The following SLC49A3 variants were observed in gnomAD, a reference collection of about 807,000 sequenced individuals.
The protein encoded by SLC49A3 is solute carrier family 49 member A3.
SLC49A3 carries 50 observed loss-of-function variants against 43.8 expected under a neutral mutation model. That is an observed-to-expected ratio of 1.14 (90% CI 0.91 to 1.45). SLC49A3 has a LOEUF of 1.45. SLC49A3 is among the 40% of genes most tolerant of loss of function. The pLI, the probability that SLC49A3 is intolerant of heterozygous loss-of-function variation, is 0.00. For synonymous variants in SLC49A3, 413 were observed against 352.0 expected (o/e 1.17, Z -1.94); for missense variants, 906 against 774.1 (o/e 1.17, Z -2.02).
intron 1 of SLC49A3, 64 bp downstream of exon 1, chr4:688,929 C>T: frequency 6.5e-6 from 10 of 1,535,284 alleles, no homozygotes; most frequent in Non-Finnish European, 8.7e-6. Flanking sequence ...CACAGGAAAA[C>T]AAAACCCGGC....
chr4:683,643 C>T lies in SLC49A3; in HGVS notation c.959G>A (p.Cys320Tyr), dbSNP rs2109406339. 1.2e-6 allele frequency: 2 copies of T among 1,612,546 alleles called. No individual in the cohort carries two copies. The highest frequency in any genetic ancestry group is 2.2e-5 in the East Asian group (1 of 44,866). Residue 320 changes from cysteine (C) to tyrosine (Y), a missense_variant, in exon 7 of 10, where the codon TGC (cysteine) becomes TAC (tyrosine). By Grantham distance (194) the Cys-to-Tyr change is radical. Transcript: ENST00000322224. ...GGGCACGCAGGCCAGAGAGAACAGGCACAGGCCAATCTTGGTGGCCTCAGT... is the reference window on the plus strand; with the variant it reads ...GGGCACGCAGGCCAGAGAGAACAGGTACAGGCCAATCTTGGTGGCCTCAGT... ...HFTEATKIGL[C>Y]LFSLACVPFA...
Position 684,526 on chromosome 4 carries a change from G to A in SLC49A3, c.797C>T (p.Ser266Leu). The A allele has an allele frequency of 6.2e-7, 1 of 1,613,270 alleles. No homozygotes were observed. The change falls in exon 6 of 10, where the codon TCA (serine) becomes TTA (leucine). Residue 266 changes from serine (S) to leucine (L), a missense_variant. Physicochemically the swap from Ser to Leu is moderately radical, Grantham distance 145 (BLOSUM62 -2). Transcript: ENST00000322224. The part of the protein sequence containing the change: ...GGMIGISASF[S>L]ALLEQILCAS... The stretch of plus-strand genomic sequence containing the variant: ...ACAGAGGATCTGCTCCAGGAGGGCT[G>A]AGAAGCTGGCAGAGATCCCGATCAT...
chr4:686,771 C>G (rs1741128336), intron 1 of SLC49A3, 81 bp from the exon 2 acceptor site: 2 of 1,525,578 alleles, frequency 1.3e-6, no homozygotes. Context: ...CCGAGGGGGT[C>G]AGAGTGCCAG....
At position 683,737 on chromosome 4, in the gene SLC49A3, G is replaced by T. The variant is rs762083043; in HGVS notation, c.865C>A (p.Leu289Ile). 3.2e-6 allele frequency: 5 copies of T among 1,575,640 alleles called. No individual in the cohort carries two copies. The highest frequency in any genetic ancestry group is 1.7e-4 in the Middle Eastern group (1 of 5,990). ...SSGFSGLCGA[L>I]FITFGILGAL... ...CCCAGGATCCCAAACGTGATGAAGAGAGCGCCACAGAGGCCGGAAAACCCC... is the reference window on the plus strand; with the variant it reads ...CCCAGGATCCCAAACGTGATGAAGATAGCGCCACAGAGGCCGGAAAACCCC... Residue 289 changes from leucine to isoleucine, a missense_variant, in exon 7 of 10, where the codon CTC (leucine) becomes ATC (isoleucine). Physicochemically the swap from Leu to Ile is conservative, Grantham distance 5. Transcript: ENST00000322224.
At position 683,379 on chromosome 4, in the gene SLC49A3, G is replaced by A. The variant is rs755904471; in HGVS notation, c.994-12C>T. ...TGCAGCTGGGACACCTGGGAGCAGC[G>A]GAACGGCAGGCAGACAGGTGGAGGG... On this transcript the variant is annotated splice_polypyrimidine_tract_variant and intron_variant, in intron 7 of 9. Coordinates refer to ENST00000322224, the MANE Select transcript of SLC49A3 (RefSeq NM_032219.4). The A allele has an allele frequency of 2.3e-5, 37 of 1,604,218 alleles. No homozygotes were observed. The highest frequency in any genetic ancestry group is 4.5e-5 in the East Asian group (2 of 44,788).
At chr4:680,911 C>G, downstream of SLC49A3, 1 of 720,696 alleles carries the variant, frequency 1.4e-6, no homozygotes, top group Non-Finnish European at 2.3e-6. Context: ...AGCGGCTCCC[C>G]CAGAAGTGAT....
At chr4:678,036 A>G (rs758736134), downstream of SLC49A3, 1 of 1,613,346 alleles carries the variant, frequency 6.2e-7, no homozygotes, top group Non-Finnish European at 8.5e-7. Flanking sequence ...CATGGTGAGC[A>G]GGCCGCCGTG....
intron 7 of SLC49A3, 38 bp from the exon 8 acceptor site, chr4:683,405 G>C (rs371483219): frequency 3.1e-6 from 5 of 1,593,106 alleles, no homozygotes; most frequent in Non-Finnish European, 4.3e-6. Context: ...AGGTGGAGGG[G>C]GTGGCAGTCA....
At position 682,855 on chromosome 4, in the gene SLC49A3, G is replaced by T. The variant is rs764664675; in HGVS notation, c.1187C>A (p.Thr396Lys). 6.2e-7 allele frequency: 1 copy of T among 1,603,064 alleles called. No homozygotes were observed. Among genetic ancestry groups the T allele is most frequent in the Admixed American group, 1.7e-5 (1 of 59,646 alleles). Reference protein sequence around the residue: ...AEGILIMLAMTALTVRRSEPS... With the variant: ...AEGILIMLAMKALTVRRSEPS... The stretch of plus-strand genomic sequence containing the variant: ...CTCCGAGCGTCGCACAGTCAGTGCC[G>T]TCATTGCCAGCATGATGAGTATTCC... The change falls in exon 9 of 10, where the codon ACG (threonine) becomes AAG (lysine). Residue 396 changes from threonine to lysine, a missense_variant. By Grantham distance (78) the Thr-to-Lys change is moderately conservative. Coordinates refer to ENST00000322224, the MANE Select transcript of SLC49A3 (RefSeq NM_032219.4).
In SLC49A3 at chr4:683,354, T is replaced by G. The variant is rs759616599; in HGVS notation, c.1007A>C (p.Gln336Pro). The G allele has an allele frequency of 6.2e-7, 1 of 1,609,738 alleles. No homozygotes were observed. Among genetic ancestry groups the G allele is most frequent in the Non-Finnish European group, 8.5e-7 (1 of 1,178,586 alleles). The change falls in exon 8 of 10, where the codon CAG becomes CCG. Residue 336 changes from glutamine to proline, a missense_variant. Gln to Pro is a moderately conservative substitution (Grantham distance 76, BLOSUM62 -1). Coordinates refer to ENST00000322224, the MANE Select transcript of SLC49A3 (RefSeq NM_032219.4). ...CVPFALVSQL[Q>P]GQTLALAATC... is the part of the protein sequence containing the mutation. ...GGCAGCCAGGGCAAGGGTCTGTCCC[T>G]GCAGCTGGGACACCTGGGAGCAGCG...
chr4:678,370 A>C (rs1010829783), downstream of SLC49A3: 16 of 1,412,494 alleles, frequency 1.1e-5, no homozygotes, highest in East Asian at 2.6e-5. Flanking sequence ...TCAGAGGCCA[A>C]GCTGGCTCCT....
downstream of SLC49A3, chr4:679,075 C>T (rs375462955): frequency 7.8e-5 from 123 of 1,572,140 alleles, no homozygotes; most frequent in Non-Finnish European, 9.5e-5. Flanking sequence ...TTGGAGGAGG[C>T]GAACACAGAG....
chr4:680,678 C>A, downstream of SLC49A3: 1 of 1,320,006 alleles, frequency 7.6e-7, no homozygotes, highest in Non-Finnish European at 1.1e-6. Flanking sequence ...CACCAGATGC[C>A]ACGCCCACCT....
intron 9 of SLC49A3, 39 bp from the exon 10 acceptor site, chr4:682,415 CA>C: frequency 7.6e-7 from 1 of 1,317,948 alleles, no homozygotes; most frequent in East Asian, 2.8e-5. Flanking sequence ...CAGCCAAGCC[CA>C]GGGGCCACAG....
Position 682,260 on chromosome 4 carries a change from T to C in SLC49A3, c.1378A>G (p.Asn460Asp). 7.3e-7 allele frequency: 1 copy of C among 1,378,588 alleles called. No individual in the cohort carries two copies. Among genetic ancestry groups the C allele is most frequent in the Non-Finnish European group, 9.5e-7 (1 of 1,055,138 alleles). 85.4% of individuals were successfully genotyped at this position (1,378,588 alleles called of 1,614,324 possible). A position where few individuals can be genotyped will look rare whatever the true frequency, so the allele number is the denominator to read the frequency against. ...CCTGAGTCTGCGCCGCCCACGGCGT[T>C]ACGGGTGGAGGGGGGCTCCCCAGAC... The part of the protein sequence containing the change: ...AESGEPPSTR[N>D]AVGGADSGPG... Residue 460 changes from asparagine to aspartate, a missense_variant, in exon 10 of 10, where the codon AAC becomes GAC. Physicochemically the swap from Asn to Asp is conservative, Grantham distance 23. Coordinates refer to ENST00000322224, the MANE Select transcript of SLC49A3 (RefSeq NM_032219.4).
chr4:682,560 A>T (rs1739984475), intron 9 of SLC49A3, among the ~76,000 whole-genome samples, 184 bp from the exon 10 acceptor site: 1 of 152,192 alleles, frequency 6.6e-6, no homozygotes, highest in African/African-American at 2.4e-5. Context: ...GAGAGAGGTC[A>T]CTAGCATGGG....
In SLC49A3 at chr4:682,218, C is replaced by A. The variant is rs575427264; in HGVS notation, c.1420G>T (p.Gly474Trp). ...AGGACCCCAGCCCTTCCTGCTCCCCCTCGGTCCACACCCGGCCCTGAGTCT... is the reference window on the plus strand; with the variant it reads ...AGGACCCCAGCCCTTCCTGCTCCCCATCGGTCCACACCCGGCCCTGAGTCT... The part of the protein sequence containing the change: ...GADSGPGVDR[G>W]GAGRAGVLGP... The change falls in exon 10 of 10, where the codon GGG becomes TGG. Residue 474 changes from glycine (G) to tryptophan (W), a missense_variant. Gly to Trp is a radical substitution (Grantham distance 184). Coordinates refer to ENST00000322224, the MANE Select transcript of SLC49A3 (RefSeq NM_032219.4). 2.9e-6 allele frequency: 4 copies of A among 1,382,972 alleles called. No individual in the cohort carries two copies. The highest frequency in any genetic ancestry group is 1.7e-5 in the South Asian group (1 of 57,736). 85.7% of individuals were successfully genotyped at this position (1,382,972 alleles called of 1,614,324 possible). A position where few individuals can be genotyped will look rare whatever the true frequency, so the allele number is the denominator to read the frequency against.
At chr4:684,913 G>A (rs776655047) in intron 4 of SLC49A3, 57 bp from the exon 5 acceptor site, 67 of 1,558,106 alleles carry the variant, frequency 4.3e-5, no homozygotes, top group Non-Finnish European at 5.1e-5. Context: ...CACACACGCC[G>A]CAGCCCTGCC....
chr4:681,903 T>C lies in SLC49A3; in HGVS notation c.*55A>G, dbSNP rs1739740091. Reference sequence around the variant, plus strand: ...CGCCCCCGCCCGCAGGTGGACCAGATGTTCCAGTTCGCCTCCATCGATGTG... The same window carrying C: ...CGCCCCCGCCCGCAGGTGGACCAGACGTTCCAGTTCGCCTCCATCGATGTG... On this transcript the variant is annotated 3_prime_UTR_variant, in exon 10 of 10. Transcript: ENST00000322224. 3.8e-6 allele frequency: 5 copies of C among 1,316,580 alleles called. No homozygotes were observed. In the South Asian group the frequency reaches 8.5e-5, roughly 22 times the overall value. 81.6% of individuals were successfully genotyped at this position (1,316,580 alleles called of 1,614,324 possible).
Sources: gnomAD v4.1 joint callset for allele counts (sites outside exome capture counted in the v4.1 genomes callset) on GRCh38, gnomAD v4.1.1 for gene constraint, MANE v1.5 for transcripts, NCBI Gene and HGNC (gene_info 2026-07-23, HGNC 2026-07-21) for gene names.